The following WDPCP variants were observed in gnomAD, a reference collection of about 807,000 sequenced individuals.
WDPCP encodes WD repeat containing planar cell polarity effector.
WDPCP carries 71 observed loss-of-function variants against 93.1 expected under a neutral mutation model. The ratio of observed to expected loss-of-function variants is 0.76; its 90% CI spans 0.63 to 0.93. WDPCP has a LOEUF of 0.93. Among genes scored for constraint, WDPCP ranks in the 40% least tolerant of loss-of-function variants. WDPCP has a pLI of 0.00. For synonymous variants in WDPCP, 315 were observed against 315.0 expected (o/e 1.00, Z 0.00); for missense variants, 844 against 887.4 (o/e 0.95, Z 0.62).
chr2:63,227,820 A>T (rs915045930), intron 14 of WDPCP, among the ~76,000 whole-genome samples: 1 of 152,106 alleles, frequency 6.6e-6, no homozygotes, highest in Non-Finnish European at 1.5e-5. Flanking sequence ...ATATTCCCTA[A>T]CCTTGATAAT....
intron 12 of WDPCP, among the ~76,000 whole-genome samples, chr2:63,347,485 C>T (rs1369930002): frequency 6.6e-6 from 1 of 152,156 alleles, no homozygotes; most frequent in Non-Finnish European, 1.5e-5. Flanking sequence ...TGGAGCCTGG[C>T]AGTCTTGCTC....
At chr2:63,127,963 A>G (rs1670034912) in intron 17 of WDPCP, among the ~76,000 whole-genome samples, 2 of 151,740 alleles carry the variant, frequency 1.3e-5, no homozygotes, top group Admixed American at 1.3e-4. Context: ...ACATGGTGAA[A>G]CCCTGTCTCT....
intron 12 of WDPCP, among the ~76,000 whole-genome samples, chr2:63,314,779 C>T (rs192340051): frequency 5.3e-5 from 8 of 152,218 alleles, no homozygotes; most frequent in East Asian, 3.9e-4. Flanking sequence ...TCTACACCTC[C>T]GGGATCCATC....
At chr2:63,379,674 G>A (rs917169987) in intron 11 of WDPCP, among the ~76,000 whole-genome samples, 2 of 152,282 alleles carry the variant, frequency 1.3e-5, no homozygotes, top group African/African-American at 4.8e-5. Context: ...AGATAGCCCA[G>A]CTTGATGTTT....
intron 17 of WDPCP, among the ~76,000 whole-genome samples, chr2:63,129,714 G>A (rs980612443): frequency 2.6e-5 from 4 of 151,934 alleles, no homozygotes; most frequent in Non-Finnish European, 5.9e-5. Flanking sequence ...TACAGTTGTC[G>A]CTCAGTATTT....
chr2:63,817,299 G>A (rs1045181462), intron 1 of WDPCP, among the ~76,000 whole-genome samples: 1 of 152,038 alleles, frequency 6.6e-6, no homozygotes, highest in African/African-American at 2.4e-5. Context: ...TAGTAGAGAT[G>A]GGGTTTCGCC....
the WDPCP span, among the ~76,000 whole-genome samples, chr2:63,839,290 T>A: frequency 6.6e-6 from 1 of 152,372 alleles, no homozygotes; most frequent in African/African-American, 2.4e-5. Context: ...CCAGGCGCGG[T>A]GGCTCACGCC....
intron 2 of WDPCP, among the ~76,000 whole-genome samples, chr2:63,673,001 C>T (rs2106635237): frequency 6.6e-6 from 1 of 152,276 alleles, no homozygotes; most frequent in African/African-American, 2.4e-5. Context: ...GATCCTTCTG[C>T]CTCAGCCTCC....
chr2:63,408,802 A>G (rs1031343427), intron 9 of WDPCP, among the ~76,000 whole-genome samples: 21 of 152,020 alleles, frequency 1.4e-4, no homozygotes, highest in African/African-American at 4.6e-4. Context: ...GACAACCTGC[A>G]TGACTCAGCA....
At chr2:63,623,462 G>T (rs1239227421) in intron 3 of WDPCP, among the ~76,000 whole-genome samples, 4 of 151,626 alleles carry the variant, frequency 2.6e-5, no homozygotes, top group Admixed American at 2.0e-4. Flanking sequence ...ACACATACAG[G>T]CTCAAAATAA....
At chr2:63,469,040 A>C (rs1401378502) in intron 6 of WDPCP, among the ~76,000 whole-genome samples, 2 of 152,156 alleles carry the variant, frequency 1.3e-5, no homozygotes, top group Non-Finnish European at 2.9e-5. Context: ...AAAGGACATG[A>C]ACTGACACTT....
intron 17 of WDPCP, among the ~76,000 whole-genome samples, chr2:63,144,187 T>C (rs1671298161): frequency 6.6e-6 from 1 of 152,156 alleles, no homozygotes; most frequent in Non-Finnish European, 1.5e-5. Flanking sequence ...TCAAAGACCT[T>C]GTTTTCGAGC....
intron 1 of WDPCP, among the ~76,000 whole-genome samples, chr2:63,559,954 G>A (rs187348280): frequency 6.6e-6 from 1 of 152,202 alleles, no homozygotes; most frequent in East Asian, 1.9e-4. Context: ...TATGGGGCCA[G>A]GCATGGTGGC....
In WDPCP at chr2:63,484,998, A is replaced by C; in HGVS notation, c.254-11T>G. The C allele has an allele frequency of 6.2e-7, 1 of 1,612,348 alleles. No homozygotes were observed. The highest frequency in any genetic ancestry group is 2.2e-5 in the East Asian group (1 of 44,854). ...AAGGATAATCTCGTGCTGGCAAATA[A>C]AACATGTACTACAGTTAGTTAAACA... On this transcript the variant is annotated splice_polypyrimidine_tract_variant and intron_variant, in intron 4 of 17. Transcript: ENST00000272321.
intron 15 of WDPCP, among the ~76,000 whole-genome samples, chr2:63,170,897 C>T (rs1033189377): frequency 6.6e-6 from 1 of 151,772 alleles, no homozygotes; most frequent in Admixed American, 6.6e-5. Flanking sequence ...AATGACAAAT[C>T]CAGAAATAAA....
At chr2:63,122,752 T>C (rs1669631326) in intron 17 of WDPCP, among the ~76,000 whole-genome samples, 1 of 152,002 alleles carries the variant, frequency 6.6e-6, no homozygotes, top group South Asian at 2.1e-4. Context: ...TACTTAGAGT[T>C]GAAATGGTAA....
At chr2:63,714,605 G>A (rs1038685350) in intron 2 of WDPCP, among the ~76,000 whole-genome samples, 7 of 152,074 alleles carry the variant, frequency 4.6e-5, no homozygotes, top group East Asian at 1.9e-4. Context: ...CGAGGCGGGC[G>A]GATCACGAGG....
At chr2:63,787,473 C>T (rs1421609182) in intron 2 of WDPCP, among the ~76,000 whole-genome samples, 1 of 151,962 alleles carries the variant, frequency 6.6e-6, no homozygotes, top group Admixed American at 6.6e-5. Context: ...TTATCTTAGA[C>T]CAAAGTAATT....
chr2:63,833,485 C>A, the WDPCP span, among the ~76,000 whole-genome samples: 1 of 152,148 alleles, frequency 6.6e-6, no homozygotes, highest in African/African-American at 2.4e-5. Flanking sequence ...CACCAATATG[C>A]GAAAACAGAA....
Sources: allele counts gnomAD v4.1 joint callset (sites outside exome capture counted in the v4.1 genomes callset), GRCh38; gene constraint gnomAD v4.1.1; transcripts MANE v1.5; gene names NCBI Gene and HGNC (gene_info 2026-07-23, HGNC 2026-07-21).